CEPT1: variants seen among roughly 807,000 people sequenced by gnomAD.
CEPT1 encodes the protein choline/ethanolaminephosphotransferase 1.
Under a neutral mutation model 42.6 loss-of-function variants are expected in CEPT1, and 7 were observed. That is an observed-to-expected ratio of 0.16 (90% confidence interval 0.09 to 0.31). The LOEUF is 0.31. Ranked by LOEUF, CEPT1 falls within the 10% of genes least tolerant of loss-of-function variation. The pLI is 1.00. For missense variants in CEPT1, 306 were observed against 502.1 expected (o/e 0.61, Z 3.73); for synonymous variants, 171 against 171.9 (o/e 0.99, Z 0.04).
Position 111,147,939 on chromosome 1 carries a change from C to T in CEPT1, c.225C>T (p.Leu75=), listed in dbSNP as rs765036535. The T allele has an allele frequency of 6.2e-6, 10 of 1,614,150 alleles. No individual in the cohort carries two copies. Among genetic ancestry groups the T allele is most frequent in the East Asian group, 2.2e-5 (1 of 44,884 alleles). The change falls in exon 2 of 9, where the codon CTC becomes CTT. Residue 75 remains leucine, a synonymous_variant. Coordinates refer to ENST00000357172, the MANE Select transcript of CEPT1 (RefSeq NM_006090.5). The stretch of plus-strand genomic sequence containing the variant: ...TAATGCAAGGGTATTGGGAATGGCT[C>T]GTTAGAAGAGTTCCCTCCTGGATTG... ...EPLMQGYWEW[L]VRRVPSWIAP... is the part of the protein sequence containing the mutation.
At chr1:111,150,539 A>G (rs1655213285) in intron 2 of CEPT1, among the ~76,000 whole-genome samples, 1 of 152,124 alleles carries the variant, frequency 6.6e-6, no homozygotes, top group African/African-American at 2.4e-5. Context: ...ATTCTCCTTC[A>G]TTGTATCTCT....
intron 2 of CEPT1, 35 bp from the exon 3 acceptor site, chr1:111,159,345 C>T: frequency 6.3e-7 from 1 of 1,589,654 alleles, no homozygotes; most frequent in Non-Finnish European, 8.5e-7. Context: ...AACTGTGTGT[C>T]TGAATACTCT....
chr1:111,144,693 T>A (rs1001064645), intron 1 of CEPT1, among the ~76,000 whole-genome samples: 2 of 152,190 alleles, frequency 1.3e-5, no homozygotes, highest in African/African-American at 4.8e-5. Flanking sequence ...AGTAAGAGAA[T>A]AGAATACTGC....
At chr1:111,140,821 T>C (rs1654469514) in intron 1 of CEPT1, among the ~76,000 whole-genome samples, 2 of 152,200 alleles carry the variant, frequency 1.3e-5, no homozygotes, top group Admixed American at 1.3e-4. Context: ...GGTCAGCAAC[T>C]TTTCTGGAAA....
intron 2 of CEPT1, among the ~76,000 whole-genome samples, chr1:111,154,886 G>C (rs1376295637): frequency 2.6e-5 from 4 of 152,130 alleles, no homozygotes; most frequent in Non-Finnish European, 5.9e-5. Context: ...GATTTGGTTT[G>C]CTAGTAGTTT....
At chr1:111,145,431 A>G (rs573409937) in intron 1 of CEPT1, among the ~76,000 whole-genome samples, 2 of 152,354 alleles carry the variant, frequency 1.3e-5, no homozygotes, top group South Asian at 4.1e-4. Context: ...TCTAAACCAA[A>G]TATTGAGATA....
chr1:111,177,951 A>G (rs1400716195), intron 5 of CEPT1, among the ~76,000 whole-genome samples: 1 of 152,348 alleles, frequency 6.6e-6, no homozygotes, highest in African/African-American at 2.4e-5. Flanking sequence ...TTGGAGACTT[A>G]GTGAAATATT....
intron 1 of CEPT1, among the ~76,000 whole-genome samples, chr1:111,142,872 A>G (rs565581146): frequency 6.6e-6 from 1 of 152,322 alleles, no homozygotes; most frequent in East Asian, 1.9e-4. Context: ...GCCAGATTTT[A>G]ACAGAGGAAC....
At chr1:111,153,287 C>T (rs1261580709) in intron 2 of CEPT1, among the ~76,000 whole-genome samples, 1 of 152,148 alleles carries the variant, frequency 6.6e-6, no homozygotes, top group Admixed American at 6.5e-5. Context: ...CAGCACACTG[C>T]AACCTCCGCC....
At chr1:111,183,374 A>T in intron 7 of CEPT1, 88 bp from the exon 8 acceptor site, 2 of 1,399,094 alleles carry the variant, frequency 1.4e-6, no homozygotes, top group Non-Finnish European at 2.0e-6. Context: ...AATTATTGGA[A>T]GTTGATATCT....
intron 2 of CEPT1, among the ~76,000 whole-genome samples, chr1:111,151,173 G>C (rs910388629): frequency 6.8e-6 from 1 of 146,444 alleles, no homozygotes; most frequent in African/African-American, 2.5e-5. Context: ...TTGCCAGGCT[G>C]GAGTGCAGTG....
intron 2 of CEPT1, among the ~76,000 whole-genome samples, chr1:111,150,481 T>C (rs564831911): frequency 4.1e-4 from 62 of 152,212 alleles, no homozygotes; most frequent in Non-Finnish European, 7.3e-4. Context: ...TTTTTCTTTA[T>C]CATCATGTTG....
intron 1 of CEPT1, among the ~76,000 whole-genome samples, chr1:111,143,838 A>G (rs1654800804): frequency 6.6e-6 from 1 of 152,106 alleles, no homozygotes; most frequent in Non-Finnish European, 1.5e-5. Flanking sequence ...CCCGGGCTCA[A>G]GCAATCCTCC....
At chr1:111,173,344 T>C (rs1334539058) in intron 4 of CEPT1, 4 of 152,260 alleles carry the variant, frequency 2.6e-5, no homozygotes, top group African/African-American at 2.4e-5. Flanking sequence ...ACTGTATGTT[T>C]GCAGCTAAAT....
chr1:111,164,978 T>G (rs887984931), intron 4 of CEPT1, among the ~76,000 whole-genome samples: 3 of 151,756 alleles, frequency 2.0e-5, no homozygotes, highest in African/African-American at 7.3e-5. Context: ...GAATCATTTC[T>G]ATAAGTTAAA....
chr1:111,153,548 C>T (rs1339320961), intron 2 of CEPT1, among the ~76,000 whole-genome samples: 3 of 152,146 alleles, frequency 2.0e-5, no homozygotes, highest in Non-Finnish European at 4.4e-5. Flanking sequence ...TTGCGTAGAC[C>T]AATGTACTGA....
intron 6 of CEPT1, 47 bp from the exon 7 acceptor site, chr1:111,182,752 T>C (rs1657053079): frequency 2.7e-6 from 4 of 1,508,070 alleles, no homozygotes; most frequent in Middle Eastern, 1.8e-4. Flanking sequence ...CCATGTAGTA[T>C]CTGATGAGTA....
intron 2 of CEPT1, among the ~76,000 whole-genome samples, chr1:111,152,450 A>T (rs2101263748): frequency 6.6e-6 from 1 of 152,278 alleles, no homozygotes; most frequent in South Asian, 2.1e-4. Flanking sequence ...CCTCAAATGT[A>T]ATAAAGTTTA....
intron 4 of CEPT1, among the ~76,000 whole-genome samples, chr1:111,169,237 T>G (rs1490506963): frequency 6.6e-6 from 1 of 152,196 alleles, no homozygotes; most frequent in African/African-American, 2.4e-5. Context: ...CCTTTACCCT[T>G]ACACTGTCTT....
Sources: allele counts gnomAD v4.1 joint callset (sites outside exome capture counted in the v4.1 genomes callset), GRCh38; gene constraint gnomAD v4.1.1; transcripts MANE v1.5; gene names NCBI Gene and HGNC (gene_info 2026-07-23, HGNC 2026-07-21).